Variants in PARD3B observed in about 807,000 individuals in gnomAD.
PARD3B encodes par-3 family cell polarity regulator beta, also known as partitioning defective 3 homolog B.
In PARD3B, 103 loss-of-function variants were observed where a neutral mutation model predicts 130.2. That is an observed-to-expected ratio of 0.79 (90% CI 0.67 to 0.93). The LOEUF (loss-of-function observed/expected upper bound fraction) is 0.93, where lower values mean the gene tolerates loss of function less well. PARD3B is among the 40% of genes least tolerant of loss of function. The probability of loss-of-function intolerance (pLI) is 0.00; values close to 1 mark genes in which losing one functional copy is unlikely to be tolerated. For synonymous variants in PARD3B, 583 were observed against 553.2 expected, an observed-to-expected ratio of 1.05 and a Z score of -0.76; for missense variants, 1,609 against 1,499.2, an observed-to-expected ratio of 1.07 and a Z score of -1.21.
In PARD3B at chr2:205,311,740, C is replaced by G. The variant is rs1362343861; in HGVS notation, c.2630+10039C>G. 9.9e-5 allele frequency among the ~76,000 whole-genome samples: 15 copies of G among 152,208 alleles called. 1 individual carries two copies. Among genetic ancestry groups the G allele is most frequent in the Admixed American group, 9.8e-4 (15 of 15,288 alleles). On this transcript the variant is annotated intron_variant, in intron 18 of 22. Transcript: ENST00000406610. ...TATATTTTATAAGCTTTGGGTCACC[C>G]CTTTCTCAATGTAACCATGAACTGT... is the stretch of plus-strand genomic sequence containing the variant.
chr2:205,232,121 T>G lies in PARD3B; in HGVS notation c.2141-13657T>G, dbSNP rs376263554. Among the ~76,000 whole-genome samples, 55 of 152,358 alleles carry G rather than the reference T, an allele frequency of 3.6e-4. 1 individual carries two copies. The South Asian group carries it at 0.011, about 32-fold the overall frequency. On this transcript the variant is annotated intron_variant, in intron 15 of 22. Transcript: ENST00000406610. ...AAGGCAAGACTCAAGAGGATCACTC[T>G]TTCCAAGTAACTATATTCCAATGAC...
In PARD3B at chr2:205,253,289, T is replaced by C; in HGVS notation, c.2185+7467T>C. 1 of 488,308 alleles carries C rather than the reference T, an allele frequency of 2.0e-6. No individual in the cohort carries two copies. Among genetic ancestry groups the C allele is most frequent in the South Asian group, 1.5e-5 (1 of 65,874 alleles). The allele number at this position is 488,308 out of a possible 1,614,324, so 30.2% of individuals were successfully genotyped here. The stretch of plus-strand genomic sequence containing the variant: ...GATAGACACTTAAGAGTAAAATGTA[T>C]TAACACAAAGGCTCTGGCCGCCCCC... On this transcript the variant is annotated intron_variant, in intron 16 of 22. Transcript: ENST00000406610. This position sits in a 1 kb window ranked among gnomAD's most constrained non-coding sequence, Gnocchi z 4.4.
chr2:204,933,445 T>C lies in PARD3B; in HGVS notation c.223-31707T>C, dbSNP rs534857823. Reference sequence around the variant, plus strand: ...GGAGTTTTAACTAATGAAGTGTGGCTTTATTAAGTGTTTTGTTCATTTTAT... The same window carrying C: ...GGAGTTTTAACTAATGAAGTGTGGCCTTATTAAGTGTTTTGTTCATTTTAT... On this transcript the variant is annotated intron_variant, in intron 2 of 22. Coordinates refer to ENST00000406610, the MANE Select transcript of PARD3B (RefSeq NM_001302769.2). 4.9e-4 allele frequency among the ~76,000 whole-genome samples: 74 copies of C among 152,336 alleles called. 1 individual carries two copies. Among genetic ancestry groups the C allele is most frequent in the African/African-American group, 1.7e-3 (69 of 41,590 alleles).
At chr2:204,735,508 G>A (rs966449876) in intron 2 of PARD3B, among the ~76,000 whole-genome samples, 1 of 152,046 alleles carries the variant, frequency 6.6e-6, no homozygotes, top group African/African-American at 2.4e-5. Context: ...GCAATTGACT[G>A]GACTCTTCAA....
At chr2:204,946,884 A>G (rs553955662) in intron 2 of PARD3B, among the ~76,000 whole-genome samples, 7 of 152,168 alleles carry the variant, frequency 4.6e-5, no homozygotes, top group Non-Finnish European at 4.4e-5. Context: ...TCCAGTCCCT[A>G]TCCGAAGGCT....
chr2:204,829,908 A>G (rs988165140), intron 2 of PARD3B, among the ~76,000 whole-genome samples: 8 of 147,846 alleles, frequency 5.4e-5, no homozygotes, highest in African/African-American at 2.0e-4. Context: ...CTGAGGCAGG[A>G]GAATGGCGTG....
chr2:204,990,237 A>G (rs1312950673), intron 3 of PARD3B, among the ~76,000 whole-genome samples: 1 of 151,220 alleles, frequency 6.6e-6, no homozygotes, highest in Non-Finnish European at 1.5e-5. Flanking sequence ...TTACTCATTG[A>G]TTTGCAGGAA....
Position 205,021,650 on chromosome 2 carries a change from CTATA to C in PARD3B, c.395-25918_395-25915del, listed in dbSNP as rs921684966. ...TCTCTTTCTCTCTCTCTCTCTCTCT[CTATA>C]TATATATATATAGTTAATCTTTTCA... On this transcript the variant is annotated intron_variant, in intron 3 of 22. Transcript: ENST00000406610. This position sits in a 1 kb window ranked among gnomAD's most constrained non-coding sequence, Gnocchi z 4.5. 0.14 allele frequency among the ~76,000 whole-genome samples: 13,407 copies of C among 98,180 alleles called. 756 individuals carry two copies. The highest frequency in any genetic ancestry group is 0.2 in the African/African-American group (6,111 of 31,068). 64.4% of individuals were successfully genotyped at this position (98,180 alleles called of 152,430 possible).
intron 15 of PARD3B, among the ~76,000 whole-genome samples, chr2:205,201,176 G>A (rs1344050088): frequency 6.6e-6 from 1 of 152,160 alleles, no homozygotes; most frequent in African/African-American, 2.4e-5. Flanking sequence ...CTGAAAGAGA[G>A]ATGATTTGAG....
At chr2:205,573,044 G>A (rs1028366262) in intron 22 of PARD3B, among the ~76,000 whole-genome samples, 4 of 152,132 alleles carry the variant, frequency 2.6e-5, no homozygotes, top group Non-Finnish European at 5.9e-5. Flanking sequence ...GAGCGAAGCA[G>A]GAGAAAAGCC....
chr2:205,104,300 A>C, intron 4 of PARD3B, 126 bp from the exon 5 acceptor site: 2 of 637,040 alleles, frequency 3.1e-6, no homozygotes, highest in Non-Finnish European at 5.5e-6. Context: ...CCAGTTTTCA[A>C]AGAAATTAGA....
At chr2:204,949,914 C>T (rs1489984998) in intron 2 of PARD3B, among the ~76,000 whole-genome samples, 3 of 152,004 alleles carry the variant, frequency 2.0e-5, no homozygotes, top group African/African-American at 4.8e-5. Context: ...TCATTAGATG[C>T]CCACTTATTA....
chr2:205,231,027 GT>G (rs2038808490), intron 15 of PARD3B, among the ~76,000 whole-genome samples: 1 of 152,126 alleles, frequency 6.6e-6, no homozygotes. Flanking sequence ...CGTGGGAGTG[GT>G]GGTGTCAGCA....
chr2:204,655,404 TATATAAG>T (rs1407933168), intron 1 of PARD3B, among the ~76,000 whole-genome samples: 1 of 152,120 alleles, frequency 6.6e-6, no homozygotes, highest in Admixed American at 6.6e-5. Flanking sequence ...TTGTCTGTTC[TATATAAG>T]ATGCCCCCAT....
At position 204,769,491 on chromosome 2, in the gene PARD3B, T is replaced by C. The variant is rs930893069; in HGVS notation, c.222+83209T>C. Among the ~76,000 whole-genome samples, 11 of 27,064 alleles carry C rather than the reference T, an allele frequency of 4.1e-4. 1 individual carries two copies. The South Asian group carries it at 0.011, about 28-fold the overall frequency. The allele number at this position is 27,064 out of a possible 152,430, so 17.8% of individuals were successfully genotyped here. A position where few individuals can be genotyped will look rare whatever the true frequency, so the allele number is the denominator to read the frequency against. On this transcript the variant is annotated intron_variant, in intron 2 of 22. Coordinates refer to ENST00000406610, the MANE Select transcript of PARD3B (RefSeq NM_001302769.2). ...TTTTGGTTGTGTCTCTGCCTGGCTT[T>C]GGTATCAGAATGATGCTGGCCTCAT...
chr2:204,883,152 G>A (rs1013806140), intron 2 of PARD3B, among the ~76,000 whole-genome samples: 2 of 151,734 alleles, frequency 1.3e-5, no homozygotes, highest in African/African-American at 4.8e-5. Flanking sequence ...CACCATGGTT[G>A]TCATAATTAC....
intron 2 of PARD3B, among the ~76,000 whole-genome samples, chr2:204,847,551 C>T (rs1248591282): frequency 6.6e-6 from 1 of 152,102 alleles, no homozygotes; most frequent in Non-Finnish European, 1.5e-5. Context: ...AAGTTGCATT[C>T]CATTCTGAGG....
intron 16 of PARD3B, among the ~76,000 whole-genome samples, chr2:205,299,330 A>G (rs924356848): frequency 3.3e-5 from 5 of 152,170 alleles, no homozygotes; most frequent in Non-Finnish European, 5.9e-5. Context: ...GCTAGGTGCT[A>G]GACATTGAAG....
At chr2:205,394,322 G>A (rs1350941721) in intron 18 of PARD3B, among the ~76,000 whole-genome samples, 1 of 152,018 alleles carries the variant, frequency 6.6e-6, no homozygotes, top group Non-Finnish European at 1.5e-5. Flanking sequence ...CTCATTTTGT[G>A]GATAGAAACC....
Sources: gnomAD v4.1 joint callset for allele counts (sites outside exome capture counted in the v4.1 genomes callset) on GRCh38, gnomAD v4.1.1 for gene constraint, Gnocchi (gnomAD v3.1) non-coding constraint, MANE v1.5 for transcripts, NCBI Gene and HGNC (gene_info 2026-07-23, HGNC 2026-07-21) for gene names.